Variants in IBTK observed in about 807,000 individuals in gnomAD.
The protein encoded by IBTK is inhibitor of Bruton tyrosine kinase.
Under a neutral mutation model 154.9 loss-of-function variants are expected in IBTK, and 83 were observed. The ratio of observed to expected loss-of-function variants is 0.54; its 90% confidence interval spans 0.45 to 0.64. The LOEUF is 0.64. Ranked by LOEUF, IBTK falls within the 30% of genes least tolerant of loss-of-function variation. IBTK has a pLI of 0.00. For synonymous variants in IBTK, 515 were observed against 536.1 expected (o/e 0.96, Z 0.54); for missense variants, 1,332 against 1,584.6 (o/e 0.84, Z 2.71).
At chr6:82,175,213 C>T (rs181971872) in intron 26 of IBTK, among the ~76,000 whole-genome samples, 31 of 152,056 alleles carry the variant, frequency 2.0e-4, no homozygotes, top group African/African-American at 5.5e-4. Flanking sequence ...TTTTAGTATA[C>T]GATAATGAAA....
chr6:82,188,047 A>C (rs1204069555), intron 25 of IBTK, among the ~76,000 whole-genome samples: 1 of 152,134 alleles, frequency 6.6e-6, no homozygotes, highest in Non-Finnish European at 1.5e-5. Context: ...CTTTAGAAAA[A>C]CTGACAGACT....
At chr6:82,228,349 G>A (rs1209684346) in intron 4 of IBTK, among the ~76,000 whole-genome samples, 1 of 152,014 alleles carries the variant, frequency 6.6e-6, no homozygotes, top group Non-Finnish European at 1.5e-5. Context: ...AATTTTGTAA[G>A]CACAATATAG....
intron 8 of IBTK, among the ~76,000 whole-genome samples, chr6:82,221,696 C>T (rs1010590205): frequency 6.6e-6 from 1 of 152,096 alleles, no homozygotes; most frequent in African/African-American, 2.4e-5. Context: ...TTGGATATAA[C>T]ATATTTATGT....
intron 16 of IBTK, among the ~76,000 whole-genome samples, chr6:82,208,749 T>TA (rs981498808): frequency 7.3e-5 from 11 of 150,794 alleles, no homozygotes; most frequent in African/African-American, 2.2e-4. Context: ...GTCTCAAAAA[T>TA]AAAAAAAAAT....
intron 21 of IBTK, among the ~76,000 whole-genome samples, chr6:82,198,981 T>C (rs553424851): frequency 2.0e-5 from 3 of 151,974 alleles, no homozygotes; most frequent in Admixed American, 6.6e-5. Flanking sequence ...TGAACCTTGA[T>C]AGAATACTAG....
rs919153246 is a variant in IBTK at position 82,170,383 on chromosome 6, C to T, written c.*1042G>A. 6.6e-6 allele frequency: 1 copy of T among 152,356 alleles called. No individual in the cohort carries two copies. Among genetic ancestry groups the T allele is most frequent in the Admixed American group, 6.5e-5 (1 of 15,278 alleles). 9.4% of individuals were successfully genotyped at this position (152,356 alleles called of 1,614,324 possible). ...GTGAATTGCTTATGTGTCTCCCAGG[C>T]TTACCTTCCAGAAACTAGAACATTA... On this transcript the variant is annotated 3_prime_UTR_variant, in exon 29 of 29. Transcript: ENST00000306270.
intron 8 of IBTK, among the ~76,000 whole-genome samples, chr6:82,220,967 C>CACACACAA (rs1770076696): frequency 6.6e-6 from 1 of 151,162 alleles, no homozygotes; most frequent in South Asian, 2.1e-4. Context: ...CACACACACA[C>CACACACAA]ACACACACAC....
Position 82,227,265 on chromosome 6 carries a change from T to C in IBTK, c.581A>G (p.Gln194Arg), listed in dbSNP as rs1770331889. 2 of 1,610,936 alleles carry C rather than the reference T, an allele frequency of 1.2e-6. No individual in the cohort carries two copies. The highest frequency in any genetic ancestry group is 1.3e-5 in the African/African-American group (1 of 74,800). ...LCKFHSVFLS[Q>R]KGQVYTCGHG... ...ACCACAGGTATAAACCTGCCCTTTCTGAGACAGAAACACGGAGTGAAATTT... is the reference window on the plus strand; with the variant it reads ...ACCACAGGTATAAACCTGCCCTTTCCGAGACAGAAACACGGAGTGAAATTT... Residue 194 changes from glutamine to arginine, a missense_variant, in exon 5 of 29, where the codon CAG becomes CGG. This residue lies in a region of IBTK where 114 missense variants were observed against 213.7 expected (regional missense o/e 0.53). Transcript: ENST00000306270.
chr6:82,240,691 C>A lies in IBTK; in HGVS notation c.-205G>T. ...TAAATCAAAAAAATTATAAATAGCT[C>A]TATAAAGTTCATATCAAATACAAGT... On this transcript the variant is annotated 5_prime_UTR_variant, in exon 2 of 29. An upstream open reading frame in the 5' UTR gains an earlier in-frame stop. Transcript: ENST00000306270. 1 of 508,452 alleles carries A rather than the reference C, an allele frequency of 2.0e-6. No individual in the cohort carries two copies. Among genetic ancestry groups the A allele is most frequent in the Non-Finnish European group, 3.4e-6 (1 of 291,580 alleles). The allele number at this position is 508,452 out of a possible 1,614,324, so 31.5% of individuals were successfully genotyped here.
chr6:82,245,796 G>T (rs770834852), intron 1 of IBTK, among the ~76,000 whole-genome samples: 1 of 152,016 alleles, frequency 6.6e-6, no homozygotes, highest in Non-Finnish European at 1.5e-5. Flanking sequence ...GCAATCCAAA[G>T]ACATACTTAG....
chr6:82,220,133 C>T (rs953748595), intron 9 of IBTK, among the ~76,000 whole-genome samples: 2 of 152,088 alleles, frequency 1.3e-5, no homozygotes, highest in Admixed American at 1.3e-4. Context: ...TCGCCTGAAC[C>T]CAGGAGGTGG....
In IBTK at chr6:82,220,693, A is replaced by AC; in HGVS notation, c.1144dup (p.Val382GlyfsTer13). The AC allele has an allele frequency of 6.3e-7, 1 of 1,594,128 alleles. No individual in the cohort carries two copies. Among genetic ancestry groups the AC allele is most frequent in the Non-Finnish European group, 8.5e-7 (1 of 1,173,844 alleles). On this transcript the variant is annotated frameshift_variant, in exon 9 of 29. Coordinates refer to ENST00000306270, the MANE Select transcript of IBTK (RefSeq NM_015525.4). LOFTEE classifies it high-confidence loss of function. ...TTCCATATGACCCCCAGACACAAGA[A>AC]CTTTTTTCAAGTTCAACTGTCTAGA...
intron 5 of IBTK, 32 bp from the exon 6 acceptor site, chr6:82,225,679 A>G (rs996874259): frequency 2.0e-6 from 3 of 1,511,388 alleles, no homozygotes; most frequent in Non-Finnish European, 2.7e-6. Flanking sequence ...AGTATACTAC[A>G]TTAACCATTT....
chr6:82,193,302 G>C (rs1189763260), intron 23 of IBTK, among the ~76,000 whole-genome samples: 7 of 152,072 alleles, frequency 4.6e-5, no homozygotes, highest in Non-Finnish European at 8.8e-5. Context: ...TACTGAAATA[G>C]CCTAATCTAT....
Position 82,239,285 on chromosome 6 carries a change from T to C in IBTK, c.321+881A>G, listed in dbSNP as rs955920020. ...TGAAACCCCATCTCTACTAAAAAAATACAAAAAATTAGCCAGGCGTGGTGG... is the reference window on the plus strand; with the variant it reads ...TGAAACCCCATCTCTACTAAAAAAACACAAAAAATTAGCCAGGCGTGGTGG... On this transcript the variant is annotated intron_variant, in intron 2 of 28. Coordinates refer to ENST00000306270, the MANE Select transcript of IBTK (RefSeq NM_015525.4). 2.0e-5 allele frequency among the ~76,000 whole-genome samples: 3 copies of C among 150,904 alleles called. No homozygotes were observed. In the East Asian group the frequency reaches 6.0e-4, roughly 30 times the overall value.
Position 82,202,382 on chromosome 6 carries a change from T to C in IBTK, c.2729+146A>G, listed in dbSNP as rs1012848702. 9.8e-6 allele frequency: 6 copies of C among 610,894 alleles called. No individual in the cohort carries two copies. The African/African-American group carries it at 1.2e-4, about 12-fold the overall frequency. 37.8% of individuals were successfully genotyped at this position (610,894 alleles called of 1,614,324 possible). A position where few individuals can be genotyped will look rare whatever the true frequency, so the allele number is the denominator to read the frequency against. ...TCAAGAGCTCTCTAATTCTAAAATG[T>C]ACATAACTTCTAAATCATCAGCATT... On this transcript the variant is annotated intron_variant, in intron 18 of 28. Coordinates refer to ENST00000306270, the MANE Select transcript of IBTK (RefSeq NM_015525.4).
At chr6:82,177,407 TTTTA>T (rs534064009) in intron 26 of IBTK, among the ~76,000 whole-genome samples, 24 of 151,798 alleles carry the variant, frequency 1.6e-4, no homozygotes, top group African/African-American at 3.9e-4. Flanking sequence ...TTATTTCTCT[TTTTA>T]TTTATTTATT....
At chr6:82,185,907 GT>G (rs1295781745) in intron 25 of IBTK, among the ~76,000 whole-genome samples, 4 of 152,066 alleles carry the variant, frequency 2.6e-5, no homozygotes, top group African/African-American at 9.7e-5. Flanking sequence ...CAGGTTGAAG[GT>G]TTGTGGCAAC....
intron 16 of IBTK, among the ~76,000 whole-genome samples, chr6:82,209,032 T>A (rs955671099): frequency 6.6e-6 from 1 of 152,186 alleles, no homozygotes; most frequent in African/African-American, 2.4e-5. Context: ...AACCACAATG[T>A]TGCATAACTT....
Sources: gnomAD v4.1 joint callset for allele counts (sites outside exome capture counted in the v4.1 genomes callset) on GRCh38, gnomAD v4.1.1 for gene constraint, gnomAD v4.1.1 regional missense constraint, MANE v1.5 for transcripts, NCBI Gene and HGNC (gene_info 2026-07-23, HGNC 2026-07-21) for gene names.